Variants in ITSN1 observed in about 807,000 individuals in gnomAD.
The protein encoded by ITSN1 is intersectin-1.
In ITSN1, 58 loss-of-function variants were observed where a neutral mutation model predicts 239.8. The observed-to-expected ratio is 0.24, with a 90% CI of 0.20 to 0.30. The LOEUF (loss-of-function observed/expected upper bound fraction) is 0.30, where lower values mean the gene tolerates loss of function less well. Among genes scored for constraint, ITSN1 ranks in the 10% least tolerant of loss-of-function variants. ITSN1 has a pLI of 1.00. For synonymous variants in ITSN1, 780 were observed against 770.8 expected, an observed-to-expected ratio of 1.01 and a Z score of -0.20; for missense variants, 1,558 against 2,103.3, an observed-to-expected ratio of 0.74 and a Z score of 5.07.
intron 2 of ITSN1, among the ~76,000 whole-genome samples, chr21:33,720,128 TTTC>T (rs1461695669): frequency 1.3e-5 from 2 of 152,214 alleles, no homozygotes; most frequent in Non-Finnish European, 2.9e-5. Context: ...GCAGTGAAAA[TTTC>T]TTCTAGAAGT....
intron 28 of ITSN1, among the ~76,000 whole-genome samples, 190 bp from the exon 29 acceptor site, chr21:33,836,251 T>C (rs1303797077): frequency 6.6e-6 from 1 of 152,194 alleles, no homozygotes; most frequent in Non-Finnish European, 1.5e-5. Context: ...AAAATTTTGT[T>C]GTTGTCTTAG....
chr21:33,775,007 A>C lies in ITSN1; in HGVS notation c.1495A>C (p.Ile499Leu), dbSNP rs1224067066. 1 of 1,613,688 alleles carries C rather than the reference A, an allele frequency of 6.2e-7. No homozygotes were observed. Among genetic ancestry groups the C allele is most frequent in the Non-Finnish European group, 8.5e-7 (1 of 1,179,744 alleles). The change falls in exon 14 of 40, where the codon ATC becomes CTC. Residue 499 changes from isoleucine to leucine, a missense_variant. This residue lies in a region of ITSN1 where 982 missense variants were observed against 1,209.9 expected (regional missense o/e 0.81). Transcript: ENST00000381318. ...KHQLEGKLQD[I>L]RCRLTTQRQE... ...TCAACTAGAAGGGAAACTTCAAGAT[A>C]TCAGATGTCGATTGACCACCCAAAG... is the stretch of plus-strand genomic sequence containing the variant.
chr21:33,799,892 A>G lies in ITSN1; in HGVS notation c.2267A>G (p.His756Arg), dbSNP rs1162891760. The change falls in exon 19 of 40, where the codon CAT becomes CGT. Residue 756 changes from histidine (H) to arginine (R), a missense_variant. This residue lies in a region of ITSN1 where 982 missense variants were observed against 1,209.9 expected (regional missense o/e 0.81). Transcript: ENST00000381318. ...RALYPFESRS[H>R]DEITIQPGDI... ...CTGTACCCCTTTGAATCCAGAAGCC[A>G]TGATGAAATCACTATCCAGCCAGGA... The G allele has an allele frequency of 1.9e-6, 3 of 1,614,114 alleles. No individual in the cohort carries two copies. In the South Asian group the frequency reaches 3.3e-5, roughly 18 times the overall value.
At chr21:33,665,808 G>T (rs372016946) in intron 1 of ITSN1, among the ~76,000 whole-genome samples, 5 of 151,956 alleles carry the variant, frequency 3.3e-5, no homozygotes, top group Non-Finnish European at 5.9e-5. Flanking sequence ...AAAAAGAAAC[G>T]AATGATATAT....
chr21:33,758,321 C>T (rs1306050252), intron 8 of ITSN1, among the ~76,000 whole-genome samples: 4 of 152,144 alleles, frequency 2.6e-5, no homozygotes. Context: ...TGCCATGTTC[C>T]CCAGGCTGGT....
At chr21:33,698,351 C>T (rs954875444) in intron 1 of ITSN1, among the ~76,000 whole-genome samples, 15 of 152,162 alleles carry the variant, frequency 9.9e-5, no homozygotes, top group Non-Finnish European at 1.9e-4. Context: ...GCTGCCACTC[C>T]CCCCTAACAA....
At chr21:33,871,999 A>G (rs1446003331) in intron 33 of ITSN1, among the ~76,000 whole-genome samples, 1 of 152,278 alleles carries the variant, frequency 6.6e-6, no homozygotes, top group East Asian at 1.9e-4. Context: ...ACTAGGCAGT[A>G]TATAAATGTT....
chr21:33,897,590 TGG>T lies in ITSN1; in HGVS notation c.*9291_*9292del, dbSNP rs539051521. Reference sequence around the variant, plus strand: ...TCATGAAATCTCTGCTGTATGTTTATGGAATGGCCATGACTAAATGTATATAT... The same window carrying T: ...TCATGAAATCTCTGCTGTATGTTTATAATGGCCATGACTAAATGTATATAT... On this transcript the variant is annotated 3_prime_UTR_variant, in exon 40 of 40. Coordinates refer to ENST00000381318, the MANE Select transcript of ITSN1 (RefSeq NM_003024.3). The T allele has an allele frequency of 1.7e-3, 262 of 152,366 alleles. 1 individual carries two copies. Among genetic ancestry groups the T allele is most frequent in the African/African-American group, 6.1e-3 (252 of 41,588 alleles). The allele number at this position is 152,366 out of a possible 1,614,324, so 9.4% of individuals were successfully genotyped here.
At chr21:33,760,061 C>T (rs1017919297) in intron 8 of ITSN1, among the ~76,000 whole-genome samples, 1 of 151,406 alleles carries the variant, frequency 6.6e-6, no homozygotes, top group Non-Finnish European at 1.5e-5. Flanking sequence ...AAGATGGCGC[C>T]ACTGCACTCC....
chr21:33,656,128 G>A (rs1245397595), intron 1 of ITSN1, among the ~76,000 whole-genome samples: 1 of 152,146 alleles, frequency 6.6e-6, no homozygotes, highest in Non-Finnish European at 1.5e-5. Flanking sequence ...GGCCTGGCAT[G>A]ATCGTGTGTC....
intron 1 of ITSN1, among the ~76,000 whole-genome samples, chr21:33,704,380 C>G (rs1246083193): frequency 6.6e-6 from 1 of 152,170 alleles, no homozygotes; most frequent in Non-Finnish European, 1.5e-5. Context: ...ATCCCCTGCA[C>G]CCACGCTTCA....
chr21:33,886,220 A>G, intron 38 of ITSN1, 67 bp from the exon 39 acceptor site: 1 of 1,368,350 alleles, frequency 7.3e-7, no homozygotes, highest in Non-Finnish European at 1.0e-6. Flanking sequence ...TAAAAAAAAA[A>G]AAAAAAAAGA....
chr21:33,802,357 A>T, intron 19 of ITSN1, 73 bp from the exon 20 acceptor site: 1 of 1,449,568 alleles, frequency 6.9e-7, no homozygotes, highest in Non-Finnish European at 9.7e-7. Context: ...GAGTTTAGAT[A>T]TGCTGTAAGA....
At chr21:33,734,494 A>G (rs1472132252) in intron 4 of ITSN1, among the ~76,000 whole-genome samples, 1 of 152,138 alleles carries the variant, frequency 6.6e-6, no homozygotes, top group East Asian at 1.9e-4. Flanking sequence ...ATTATAGTTG[A>G]GTAACCCTAG....
intron 1 of ITSN1, among the ~76,000 whole-genome samples, chr21:33,695,732 A>G (rs1236235739): frequency 6.6e-6 from 1 of 152,156 alleles, no homozygotes. Flanking sequence ...TCTTCTTTTT[A>G]TTTTGGATCT....
chr21:33,713,828 C>CTTTTTTTTT (rs35226795), intron 1 of ITSN1, among the ~76,000 whole-genome samples: 2 of 89,364 alleles, frequency 2.2e-5, no homozygotes, highest in Non-Finnish European at 3.9e-5. Flanking sequence ...CCAGCCTCAT[C>CTTTTTTTTT]TTTTTTTTTT....
In ITSN1 at chr21:33,716,789, TA is replaced by T. The variant is rs1350846729; in HGVS notation, c.-32-2003del. Among the ~76,000 whole-genome samples, 7 of 151,360 alleles carry T rather than the reference TA, an allele frequency of 4.6e-5. No homozygotes were observed. The East Asian group carries it at 9.7e-4, about 21-fold the overall frequency. On this transcript the variant is annotated intron_variant, in intron 1 of 39. Coordinates refer to ENST00000381318, the MANE Select transcript of ITSN1 (RefSeq NM_003024.3). ...CAACATGGTGAAACTCCATCTCTAC[TA>T]AAAATACAAAAATTAGCCGGGCATG...
At chr21:33,672,492 A>T (rs1180195884) in intron 1 of ITSN1, among the ~76,000 whole-genome samples, 1 of 152,196 alleles carries the variant, frequency 6.6e-6, no homozygotes, top group African/African-American at 2.4e-5. Context: ...ATTGGCCAGG[A>T]TATGAAGAAA....
At chr21:33,869,259 T>TA (rs1431309834) in intron 33 of ITSN1, among the ~76,000 whole-genome samples, 4 of 152,186 alleles carry the variant, frequency 2.6e-5, no homozygotes, top group Admixed American at 6.5e-5. Flanking sequence ...TCAGGAAACT[T>TA]ACAATCATGG....
Sources: allele counts gnomAD v4.1 joint callset (sites outside exome capture counted in the v4.1 genomes callset), GRCh38; gene constraint gnomAD v4.1.1; regional missense constraint gnomAD v4.1.1; transcripts MANE v1.5; gene names NCBI Gene and HGNC (gene_info 2026-07-23, HGNC 2026-07-21).